Variants in NFASC observed in about 807,000 individuals in gnomAD.
NFASC encodes neurofascin.
Under a neutral mutation model 147.5 loss-of-function variants are expected in NFASC, and 43 were observed. That is an observed-to-expected ratio of 0.29 (90% CI 0.23 to 0.38). The LOEUF is 0.38. Among genes scored for constraint, NFASC ranks in the 10% least tolerant of loss-of-function variants. The pLI is 1.00. For synonymous variants in NFASC, 622 were observed against 665.5 expected (o/e 0.93, Z 1.01); for missense variants, 1,320 against 1,689.0 (o/e 0.78, Z 3.83).
At chr1:204,831,411 G>A (rs1672195075) in intron 1 of NFASC, among the ~76,000 whole-genome samples, 2 of 151,590 alleles carry the variant, frequency 1.3e-5, no homozygotes, top group South Asian at 2.2e-4. Context: ...TGAGAGCTGG[G>A]GGTGGGGTTC....
intron 15 of NFASC, 31 bp from the exon 16 acceptor site, chr1:204,976,640 T>A: frequency 1.2e-5 from 18 of 1,563,074 alleles, no homozygotes; most frequent in Non-Finnish European, 1.6e-5. Context: ...CCCTACCCCC[T>A]CCTCCCAACC....
At chr1:204,950,673 C>A in intron 4 of NFASC, 99 bp downstream of exon 4, 2 of 1,109,602 alleles carry the variant, frequency 1.8e-6, no homozygotes, top group Non-Finnish European at 2.7e-6. Flanking sequence ...GGGACTTCTG[C>A]TGGGGCCTCT....
chr1:204,877,041 ATATATATAATATATTTATTTATATATT>A lies in NFASC; in HGVS notation c.-199-43582_-199-43556del, dbSNP rs1558549559. Among the ~76,000 whole-genome samples, 113 of 106,520 alleles carry A rather than the reference ATATATATAATATATTTATTTATATATT, an allele frequency of 1.1e-3. 3 individuals carry two copies. The highest frequency in any genetic ancestry group is 5.6e-3 in the African/African-American group (110 of 19,784). The allele number at this position is 106,520 out of a possible 152,430, so 69.9% of individuals were successfully genotyped here. On this transcript the variant is annotated intron_variant, in intron 1 of 29. Transcript: ENST00000339876. ...ATATATATATATAATATATATTTAT[ATATATATAATATATTTATTTATATATT>A]TATATATATATAATATATTTATTTA...
chr1:204,869,654 A>G (rs1299704400), intron 1 of NFASC, among the ~76,000 whole-genome samples: 1 of 152,164 alleles, frequency 6.6e-6, no homozygotes, highest in African/African-American at 2.4e-5. Context: ...CAAATAAGGA[A>G]ACTGAGGCAC....
At chr1:204,873,951 G>A (rs2103064967) in intron 1 of NFASC, among the ~76,000 whole-genome samples, 1 of 152,318 alleles carries the variant, frequency 6.6e-6, no homozygotes, top group African/African-American at 2.4e-5. Flanking sequence ...GACAGGTGGG[G>A]TTGGAGCCAG....
chr1:204,968,394 C>T lies in NFASC; in HGVS notation c.818+34C>T, dbSNP rs537409329. The T allele has an allele frequency of 3.3e-6, 5 of 1,510,710 alleles. No individual in the cohort carries two copies. The South Asian group carries it at 5.6e-5, about 17-fold the overall frequency. 93.6% of individuals were successfully genotyped at this position (1,510,710 alleles called of 1,614,324 possible). A position where few individuals can be genotyped will look rare whatever the true frequency, so the allele number is the denominator to read the frequency against. On this transcript the variant is annotated intron_variant, in intron 9 of 29. Coordinates refer to ENST00000339876, the MANE Select transcript of NFASC (RefSeq NM_001005388.3). The surrounding 1 kb of genome is among the most constrained non-coding windows in gnomAD (Gnocchi z 5.4). Reference sequence around the variant, plus strand: ...GGTTTGCAGCCCCTCTTCTAGCCACCCTCCAGGAGGATGGGGATGGGAGCT... The same window carrying T: ...GGTTTGCAGCCCCTCTTCTAGCCACTCTCCAGGAGGATGGGGATGGGAGCT...
At chr1:204,962,305 C>T (rs779159275) in intron 8 of NFASC, 1 of 679,650 alleles carries the variant, frequency 1.5e-6, no homozygotes, top group East Asian at 2.7e-5. Flanking sequence ...GGCTGCCTGC[C>T]AGGAGGCAGT....
rs1216486392 is a variant in NFASC at position 205,018,754 on chromosome 1, A to G, written c.*2215A>G. 6.6e-6 allele frequency: 1 copy of G among 152,592 alleles called. No individual in the cohort carries two copies. The highest frequency in any genetic ancestry group is 1.5e-5 in the Non-Finnish European group (1 of 68,076). 9.5% of individuals were successfully genotyped at this position (152,592 alleles called of 1,614,324 possible). On this transcript the variant is annotated 3_prime_UTR_variant, in exon 30 of 30. Coordinates refer to ENST00000339876, the MANE Select transcript of NFASC (RefSeq NM_001005388.3). ...AAAACGCTTTGGATCTGAGCAGAGT[A>G]GTCAGTTTCTCAGACACTCATTCCA... is the stretch of plus-strand genomic sequence containing the variant.
chr1:204,875,628 C>T (rs1468368449), intron 1 of NFASC, among the ~76,000 whole-genome samples: 1 of 152,090 alleles, frequency 6.6e-6, no homozygotes, highest in Non-Finnish European at 1.5e-5. Flanking sequence ...TTGCTTGGAT[C>T]TCCAGGCCCG....
In NFASC at chr1:204,986,131, G is replaced by A. The variant is rs1409811985; in HGVS notation, c.2471-1287G>A. On this transcript the variant is annotated intron_variant, in intron 21 of 29. Transcript: ENST00000339876. This position sits in a 1 kb window ranked among gnomAD's most constrained non-coding sequence, Gnocchi z 4.2. ...CGGAAGGAGGTAGGTCTGGCCTGCAGCTCTTCAGGGTGGGGCAGGAGAAGG... is the reference window on the plus strand; with the variant it reads ...CGGAAGGAGGTAGGTCTGGCCTGCAACTCTTCAGGGTGGGGCAGGAGAAGG... 3.1e-6 allele frequency: 5 copies of A among 1,592,122 alleles called. No individual in the cohort carries two copies. The highest frequency in any genetic ancestry group is 4.3e-6 in the Non-Finnish European group (5 of 1,160,010).
At chr1:204,871,054 G>A in intron 1 of NFASC, 2 of 1,289,850 alleles carry the variant, frequency 1.6e-6, no homozygotes, top group African/African-American at 1.5e-5. Flanking sequence ...CCAGACCATG[G>A]CTCCTTCAGG....
At chr1:204,896,393 T>C (rs944612929) in intron 1 of NFASC, among the ~76,000 whole-genome samples, 12 of 152,258 alleles carry the variant, frequency 7.9e-5, no homozygotes, top group African/African-American at 2.9e-4. Context: ...TAACCCTCCT[T>C]CCTGGGCTGT....
At chr1:204,835,115 T>C (rs1456043717) in intron 1 of NFASC, among the ~76,000 whole-genome samples, 2 of 152,032 alleles carry the variant, frequency 1.3e-5, no homozygotes, top group Non-Finnish European at 2.9e-5. Context: ...TAATATTTGC[T>C]AATTCCAGAA....
Position 205,019,355 on chromosome 1 carries a change from G to A in NFASC, c.*2816G>A, listed in dbSNP as rs74138697. The A allele has an allele frequency of 4.7e-4, 71 of 152,406 alleles. No homozygotes were observed. The highest frequency in any genetic ancestry group is 1.7e-3 in the African/African-American group (70 of 41,574). 9.4% of individuals were successfully genotyped at this position (152,406 alleles called of 1,614,324 possible). On this transcript the variant is annotated 3_prime_UTR_variant, in exon 30 of 30. Coordinates refer to ENST00000339876, the MANE Select transcript of NFASC (RefSeq NM_001005388.3). ...CACCATGCCATCGGCGCTCCAGTCT[G>A]TCTGGCTGGGAGGAAAGTGCTGGGC... is the stretch of plus-strand genomic sequence containing the variant.
intron 1 of NFASC, among the ~76,000 whole-genome samples, 173 bp from the exon 2 acceptor site, chr1:204,920,447 TCTTCCAGAGTGC>T (rs1558103090): frequency 7.1e-6 from 1 of 140,864 alleles, no homozygotes; most frequent in Non-Finnish European, 1.6e-5. Flanking sequence ...TTTTTTTTTT[TCTTCCAGAGTGC>T]TTTGAACTTC....
intron 22 of NFASC, among the ~76,000 whole-genome samples, chr1:204,988,097 A>T (rs905521154): frequency 6.6e-6 from 1 of 152,246 alleles, no homozygotes; most frequent in Non-Finnish European, 1.5e-5. Flanking sequence ...TTAGGCCTTC[A>T]AAAGTAGGTA....
intron 23 of NFASC, chr1:204,989,099 G>A (rs2095669129): frequency 2.2e-6 from 1 of 450,302 alleles, no homozygotes; most frequent in South Asian, 2.6e-5. Flanking sequence ...ATAAGGAAGA[G>A]AGCATGAGTT....
intron 3 of NFASC, 59 bp downstream of exon 3, chr1:204,944,465 G>T: frequency 1.9e-6 from 2 of 1,077,098 alleles, no homozygotes; most frequent in Non-Finnish European, 2.7e-6. Flanking sequence ...AGGGGTGGGA[G>T]GGGAGGGAAG....
intron 1 of NFASC, among the ~76,000 whole-genome samples, chr1:204,907,366 A>G (rs2086226564): frequency 6.6e-6 from 1 of 152,176 alleles, no homozygotes; most frequent in Admixed American, 6.5e-5. Flanking sequence ...AAAGCCCTTT[A>G]TAGATTATCA....
Sources: gnomAD v4.1 joint callset for allele counts (sites outside exome capture counted in the v4.1 genomes callset) on GRCh38, gnomAD v4.1.1 for gene constraint, Gnocchi (gnomAD v3.1) non-coding constraint, MANE v1.5 for transcripts, NCBI Gene and HGNC (gene_info 2026-07-23, HGNC 2026-07-21) for gene names.